The following DNAI7 variants were observed in gnomAD, a reference collection of about 807,000 sequenced individuals.
DNAI7 encodes dynein axonemal intermediate chain 7, also known as cancer susceptibility 1.
In DNAI7, 78 loss-of-function variants were observed where a neutral mutation model predicts 86.6. The observed-to-expected ratio is 0.90, with a 90% CI of 0.75 to 1.09. The LOEUF (loss-of-function observed/expected upper bound fraction) is 1.09. Among genes scored for constraint, DNAI7 ranks in the 50% least tolerant of loss-of-function variants. The probability of loss-of-function intolerance (pLI) is 0.00; values close to 1 mark genes in which losing one functional copy is unlikely to be tolerated. For synonymous variants in DNAI7, 274 were observed against 273.0 expected, an observed-to-expected ratio of 1.00 and a Z score of -0.04; for missense variants, 753 against 810.2, an observed-to-expected ratio of 0.93 and a Z score of 0.86.
chr12:25,184,580 CAT>C (rs1438589791), intron 2 of DNAI7, among the ~76,000 whole-genome samples: 1 of 152,136 alleles, frequency 6.6e-6, no homozygotes, highest in Non-Finnish European at 1.5e-5. Flanking sequence ...GTTAAACCCA[CAT>C]GTTTTTTATT....
intron 2 of DNAI7, among the ~76,000 whole-genome samples, chr12:25,184,256 A>T (rs1949822960): frequency 6.6e-6 from 1 of 152,220 alleles, no homozygotes; most frequent in Non-Finnish European, 1.5e-5. Context: ...TAGAAATCTT[A>T]TACTCATTAG....
intron 13 of DNAI7, among the ~76,000 whole-genome samples, chr12:25,113,309 T>C (rs909473145): frequency 6.6e-6 from 1 of 151,920 alleles, no homozygotes; most frequent in Non-Finnish European, 1.5e-5. Context: ...GTTGTTGTTG[T>C]TGTTGTTTTT....
chr12:25,111,604 G>C (rs1181242630), intron 14 of DNAI7, among the ~76,000 whole-genome samples, 168 bp downstream of exon 14: 1 of 151,746 alleles, frequency 6.6e-6, no homozygotes, highest in Non-Finnish European at 1.5e-5. Context: ...ACTTTCTTAG[G>C]GAAAATTAAG....
chr12:25,155,699 G>A (rs1331080390), intron 4 of DNAI7, among the ~76,000 whole-genome samples: 1 of 152,052 alleles, frequency 6.6e-6, no homozygotes, highest in African/African-American at 2.4e-5. Context: ...GTATCTATTT[G>A]CACTGATTGT....
chr12:25,118,590 C>A (rs367862106), intron 12 of DNAI7, among the ~76,000 whole-genome samples: 3 of 151,688 alleles, frequency 2.0e-5, no homozygotes, highest in East Asian at 1.9e-4. Context: ...CAGACAGAGT[C>A]TCACTCTGTC....
intron 2 of DNAI7, among the ~76,000 whole-genome samples, chr12:25,179,072 A>G (rs1949254887): frequency 6.6e-6 from 1 of 152,018 alleles, no homozygotes; most frequent in African/African-American, 2.4e-5. Context: ...CATTCCACAA[A>G]TTTTTAAGTA....
At chr12:25,135,521 C>A (rs1249399885) in intron 9 of DNAI7, among the ~76,000 whole-genome samples, 1 of 152,116 alleles carries the variant, frequency 6.6e-6, no homozygotes, top group African/African-American at 2.4e-5. Context: ...AGTACAGACA[C>A]AAGCACAGAA....
chr12:25,166,791 C>T lies in DNAI7; in HGVS notation c.22-5594G>A, dbSNP rs540605038. On this transcript the variant is annotated intron_variant, in intron 2 of 15. Coordinates refer to ENST00000395987, the MANE Select transcript of DNAI7 (RefSeq NM_018272.5). Reference sequence around the variant, plus strand: ...GCCTAGCCCTCATGTCTGCATGCAGCGGCTGCCGCTGCTTTAATACTTTTA... The same window carrying T: ...GCCTAGCCCTCATGTCTGCATGCAGTGGCTGCCGCTGCTTTAATACTTTTA... 3.5e-4 allele frequency among the ~76,000 whole-genome samples: 53 copies of T among 152,248 alleles called. 1 individual carries two copies. The highest frequency in any genetic ancestry group is 6.2e-4 in the South Asian group (3 of 4,822).
intron 7 of DNAI7, 113 bp from the exon 8 acceptor site, chr12:25,147,217 G>C: frequency 1.7e-6 from 1 of 582,126 alleles, no homozygotes; most frequent in Non-Finnish European, 3.0e-6. Flanking sequence ...TCACCTAAGA[G>C]AGTAACTTGG....
intron 3 of DNAI7, 87 bp downstream of exon 3, chr12:25,161,023 ACTT>A: frequency 1.1e-6 from 1 of 926,580 alleles, no homozygotes; most frequent in Non-Finnish European, 1.7e-6. Flanking sequence ...AAATTAAAGA[ACTT>A]TGAAAAAATA....
chr12:25,120,732 AT>A (rs1941161251), intron 11 of DNAI7, among the ~76,000 whole-genome samples: 1 of 152,216 alleles, frequency 6.6e-6, no homozygotes, highest in African/African-American at 2.4e-5. Flanking sequence ...CTCAAAAAAA[AT>A]AAAAATAAAA....
intron 1 of DNAI7, among the ~76,000 whole-genome samples, chr12:25,193,084 T>C (rs558957839): frequency 4.6e-5 from 7 of 151,804 alleles, no homozygotes; most frequent in African/African-American, 1.7e-4. Context: ...AGGCTGAGAC[T>C]TCGATAAGCC....
chr12:25,176,351 A>T (rs928614484), intron 2 of DNAI7, among the ~76,000 whole-genome samples: 10 of 152,010 alleles, frequency 6.6e-5, no homozygotes, highest in African/African-American at 2.4e-4. Flanking sequence ...TCTGTTCTAG[A>T]TTGAGTTAAT....
intron 9 of DNAI7, among the ~76,000 whole-genome samples, chr12:25,129,056 C>T (rs1340294912): frequency 1.3e-5 from 2 of 152,186 alleles, no homozygotes; most frequent in Non-Finnish European, 1.5e-5. Flanking sequence ...ATACATCAGT[C>T]GCTGGCCTTC....
At chr12:25,110,066 T>C in intron 15 of DNAI7, 61 bp downstream of exon 15, 1 of 815,498 alleles carries the variant, frequency 1.2e-6, no homozygotes, top group Non-Finnish European at 2.1e-6. Context: ...TCATTTAGTC[T>C]TTGAGTACTT....
At chr12:25,119,834 T>C (rs1940909704) in intron 11 of DNAI7, among the ~76,000 whole-genome samples, 1 of 152,186 alleles carries the variant, frequency 6.6e-6, no homozygotes, top group Non-Finnish European at 1.5e-5. Context: ...GTGCATTATC[T>C]GAATGCAGCA....
chr12:25,125,500 T>A (rs1235115364), intron 9 of DNAI7, among the ~76,000 whole-genome samples: 1 of 152,216 alleles, frequency 6.6e-6, no homozygotes, highest in Non-Finnish European at 1.5e-5. Context: ...TCCTTATAGA[T>A]GCTGGATATT....
intron 9 of DNAI7, among the ~76,000 whole-genome samples, chr12:25,135,822 C>T (rs1363724510): frequency 6.6e-6 from 1 of 151,558 alleles, no homozygotes; most frequent in Non-Finnish European, 1.5e-5. Context: ...AGAAGCATAC[C>T]CCCATCCCCT....
At chr12:25,192,456 A>G (rs1324472277) in intron 1 of DNAI7, among the ~76,000 whole-genome samples, 1 of 152,194 alleles carries the variant, frequency 6.6e-6, no homozygotes, top group African/African-American at 2.4e-5. Flanking sequence ...ATATTTATGG[A>G]CTAAACGTGT....
Sources: gnomAD v4.1 joint callset for allele counts (sites outside exome capture counted in the v4.1 genomes callset) on GRCh38, gnomAD v4.1.1 for gene constraint, MANE v1.5 for transcripts, NCBI Gene and HGNC (gene_info 2026-07-23, HGNC 2026-07-21) for gene names.